Variants in NEK11 observed in about 807,000 individuals in gnomAD.
The protein encoded by NEK11 is serine/threonine-protein kinase Nek11.
A neutral mutation model predicts 80.7 loss-of-function variants in NEK11; 72 were observed. That is an observed-to-expected ratio of 0.89 (90% CI 0.74 to 1.08). The LOEUF is 1.08. Ranked by LOEUF, NEK11 falls within the 50% of genes least tolerant of loss-of-function variation. The probability of loss-of-function intolerance (pLI) is 0.00; values close to 1 mark genes in which losing one functional copy is unlikely to be tolerated. For synonymous variants in NEK11, 251 were observed against 260.7 expected (o/e 0.96, Z 0.36); for missense variants, 764 against 763.6 (o/e 1.00, Z -0.01).
chr3:131,329,816 G>C (rs1582082361), intron 17 of NEK11: 1 of 152,514 alleles, frequency 6.6e-6, no homozygotes, highest in Non-Finnish European at 1.5e-5. Flanking sequence ...GAAGAGCAAG[G>C]AGCCAGTGCA....
rs567346434 is a variant in NEK11, at chr3:131,209,179, T to A, written c.1400-19349T>A. On this transcript the variant is annotated intron_variant, in intron 14 of 17. Coordinates refer to ENST00000383366, the MANE Select transcript of NEK11 (RefSeq NM_024800.5). ...ATTGAGAGTTTTTAGCATGAAGGGC[T>A]GTTGAACTTTCTTGAAGGCTTTTTC... is the stretch of plus-strand genomic sequence containing the variant. Among the ~76,000 whole-genome samples, 7 of 152,344 alleles carry A rather than the reference T, an allele frequency of 4.6e-5. No individual in the cohort carries two copies. The South Asian group carries it at 1.2e-3, about 27-fold the overall frequency.
At chr3:131,337,631 A>G (rs2097208779) in intron 17 of NEK11, among the ~76,000 whole-genome samples, 1 of 147,040 alleles carries the variant, frequency 6.8e-6, no homozygotes, top group African/African-American at 2.6e-5. Context: ...TAAAATTTAA[A>G]ATAATAAATA....
chr3:131,272,463 CTTTTTTTTT>C (rs869304359), intron 16 of NEK11, among the ~76,000 whole-genome samples: 698 of 43,902 alleles, frequency 0.016, 11 homozygotes, highest in African/African-American at 0.056. Context: ...GTTTTAGCTT[CTTTTTTTTT>C]TTTTTTTTTT....
intron 17 of NEK11, among the ~76,000 whole-genome samples, chr3:131,336,522 A>G (rs534657870): frequency 1.3e-5 from 2 of 152,226 alleles, no homozygotes; most frequent in Admixed American, 6.5e-5. Flanking sequence ...ACCCTAGAAG[A>G]AAACCTAGGT....
chr3:131,052,042 C>T (rs1217234591), intron 3 of NEK11, among the ~76,000 whole-genome samples: 1 of 151,838 alleles, frequency 6.6e-6, no homozygotes, highest in Non-Finnish European at 1.5e-5. Flanking sequence ...TTTAGAATTG[C>T]TTTATGCACA....
chr3:131,162,706 A>G (rs1208350703), intron 11 of NEK11, among the ~76,000 whole-genome samples, 179 bp downstream of exon 11: 3 of 152,354 alleles, frequency 2.0e-5, no homozygotes, highest in South Asian at 4.1e-4. Flanking sequence ...ATTGAATGTC[A>G]GGTGCTATTA....
intron 14 of NEK11, among the ~76,000 whole-genome samples, chr3:131,210,496 G>A (rs1476531771): frequency 6.6e-6 from 1 of 152,120 alleles, no homozygotes; most frequent in Non-Finnish European, 1.5e-5. Flanking sequence ...GGTCTGCTTG[G>A]TGCAGAGCTG....
intron 5 of NEK11, among the ~76,000 whole-genome samples, chr3:131,113,512 A>T (rs2080467925): frequency 6.6e-6 from 1 of 152,186 alleles, no homozygotes. Flanking sequence ...TGCATGGTTG[A>T]ACTAGTGGCT....
chr3:131,306,080 A>G (rs572357737), intron 17 of NEK11, among the ~76,000 whole-genome samples: 2 of 152,100 alleles, frequency 1.3e-5, no homozygotes, highest in Admixed American at 6.5e-5. Flanking sequence ...GTTCTTTCTT[A>G]GGATTTAAGA....
intron 5 of NEK11, among the ~76,000 whole-genome samples, chr3:131,118,064 G>GA (rs2081612969): frequency 6.6e-6 from 1 of 152,158 alleles, no homozygotes; most frequent in Non-Finnish European, 1.5e-5. Context: ...TTTTCAAACA[G>GA]AATGCTTCCA....
chr3:131,327,549 T>A (rs58343055), intron 17 of NEK11: 18,080 of 152,064 alleles, frequency 0.12, 1,527 homozygotes, highest in East Asian at 0.3. Flanking sequence ...AAAAGTTGAT[T>A]TGTCAAGCTA....
chr3:131,136,954 A>T (rs904505263), intron 7 of NEK11, among the ~76,000 whole-genome samples: 3 of 152,236 alleles, frequency 2.0e-5, no homozygotes, highest in Non-Finnish European at 4.4e-5. Context: ...GCAATTAGAC[A>T]GAAAGAAAAC....
chr3:131,322,505 A>G (rs1345431476), intron 17 of NEK11, among the ~76,000 whole-genome samples: 1 of 152,242 alleles, frequency 6.6e-6, no homozygotes, highest in Non-Finnish European at 1.5e-5. Context: ...TACTTTCTAG[A>G]GTCTTGCTAC....
At chr3:131,279,150 C>T (rs931205042) in intron 17 of NEK11, among the ~76,000 whole-genome samples, 1 of 151,968 alleles carries the variant, frequency 6.6e-6, no homozygotes, top group African/African-American at 2.4e-5. Flanking sequence ...GAAGATTGAT[C>T]ACCTGAGGTC....
At chr3:131,065,084 C>G (rs1248195269) in intron 3 of NEK11, among the ~76,000 whole-genome samples, 1 of 152,158 alleles carries the variant, frequency 6.6e-6, no homozygotes, top group Non-Finnish European at 1.5e-5. Context: ...AGTCTGCTTT[C>G]TCTTGTTATT....
At chr3:131,243,007 G>GA (rs1185627403) in intron 15 of NEK11, among the ~76,000 whole-genome samples, 1 of 151,910 alleles carries the variant, frequency 6.6e-6, no homozygotes, top group Non-Finnish European at 1.5e-5. Flanking sequence ...TTCTCCAAGG[G>GA]AAAAAATGCA....
chr3:131,162,963 G>A (rs2091813936), intron 11 of NEK11, among the ~76,000 whole-genome samples: 1 of 152,198 alleles, frequency 6.6e-6, no homozygotes, highest in African/African-American at 2.4e-5. Flanking sequence ...TTTGGAAGAA[G>A]TAGACTGGAA....
chr3:131,139,194 A>T (rs926964756), intron 7 of NEK11, among the ~76,000 whole-genome samples: 14 of 151,970 alleles, frequency 9.2e-5, no homozygotes, highest in African/African-American at 2.9e-4. Flanking sequence ...TGAAATAATT[A>T]AAAAGAATCA....
chr3:131,088,374 C>G (rs2076290807), intron 4 of NEK11, among the ~76,000 whole-genome samples: 1 of 151,992 alleles, frequency 6.6e-6, no homozygotes. Flanking sequence ...AAAAATAAGA[C>G]CACTGATTTT....
Sources: allele counts gnomAD v4.1 joint callset (sites outside exome capture counted in the v4.1 genomes callset), GRCh38; gene constraint gnomAD v4.1.1; transcripts MANE v1.5; gene names NCBI Gene and HGNC (gene_info 2026-07-23, HGNC 2026-07-21).